Variants in RNF6 observed in about 807,000 individuals in gnomAD.
RNF6 encodes ring finger protein 6.
In RNF6, 21 loss-of-function variants were observed where a neutral mutation model predicts 50.1. The observed-to-expected ratio is 0.42, with a 90% CI of 0.30 to 0.60. The LOEUF (loss-of-function observed/expected upper bound fraction) is 0.60, where lower values mean the gene tolerates loss of function less well. RNF6 is among the 20% of genes least tolerant of loss of function. The probability of loss-of-function intolerance (pLI) is 0.20; values close to 1 mark genes in which losing one functional copy is unlikely to be tolerated. For synonymous variants in RNF6, 255 were observed against 291.8 expected, an observed-to-expected ratio of 0.87 and a Z score of 1.29; for missense variants, 698 against 838.2, an observed-to-expected ratio of 0.83 and a Z score of 2.07.
At chr13:26,143,635 C>A (rs951433220) in intron 5 of RNF6, among the ~76,000 whole-genome samples, 3 of 152,114 alleles carry the variant, frequency 2.0e-5, no homozygotes, top group Admixed American at 2.0e-4. Context: ...GAAACAGCAC[C>A]ATATATTGGA....
At chr13:26,221,007 T>G (rs1870430590) in intron 2 of RNF6, among the ~76,000 whole-genome samples, 1 of 152,198 alleles carries the variant, frequency 6.6e-6, no homozygotes. Flanking sequence ...CCTAGTAACA[T>G]TATCCACTCA....
chr13:26,137,161 A>G (rs1870687335), intron 5 of RNF6, among the ~76,000 whole-genome samples: 1 of 152,130 alleles, frequency 6.6e-6, no homozygotes. Context: ...ATTTAACCTC[A>G]CTAAAGCTTA....
intron 5 of RNF6, chr13:26,150,930 T>C (rs1469258122): frequency 6.6e-6 from 1 of 152,206 alleles, no homozygotes; most frequent in African/African-American, 2.4e-5. Flanking sequence ...AGAGTTACAC[T>C]ATTAATTTTA....
intron 5 of RNF6, among the ~76,000 whole-genome samples, chr13:26,169,658 T>C (rs1404039967): frequency 1.3e-5 from 2 of 152,220 alleles, no homozygotes; most frequent in Non-Finnish European, 2.9e-5. Context: ...GGGCATCTCT[T>C]ATAAACGTAA....
intron 5 of RNF6, among the ~76,000 whole-genome samples, chr13:26,172,232 T>G (rs1207869196): frequency 6.6e-6 from 1 of 151,802 alleles, no homozygotes; most frequent in Admixed American, 6.6e-5. Context: ...GGGAAAAGAA[T>G]GGACCATTCC....
intron 5 of RNF6, among the ~76,000 whole-genome samples, chr13:26,158,212 A>G (rs1359516430): frequency 2.0e-5 from 3 of 152,146 alleles, no homozygotes; most frequent in African/African-American, 4.8e-5. Flanking sequence ...ATGATGACAC[A>G]GTTTCGATGG....
intron 5 of RNF6, among the ~76,000 whole-genome samples, chr13:26,170,129 T>A (rs1465443734): frequency 6.6e-6 from 1 of 151,904 alleles, no homozygotes; most frequent in Admixed American, 6.6e-5. Context: ...TATACCAGAG[T>A]CCATTAAGTA....
intron 5 of RNF6, among the ~76,000 whole-genome samples, chr13:26,139,855 CAG>C (rs1870844535): frequency 1.3e-5 from 2 of 151,848 alleles, no homozygotes; most frequent in African/African-American, 4.8e-5. Flanking sequence ...TTCATTTTTT[CAG>C]AGACTGGGTC....
At chr13:26,138,909 G>A (rs1256100199) in intron 5 of RNF6, among the ~76,000 whole-genome samples, 1 of 152,156 alleles carries the variant, frequency 6.6e-6, no homozygotes, top group Non-Finnish European at 1.5e-5. Context: ...AAATTAAATA[G>A]TATCACTTCA....
rs562114514 is a variant in RNF6 at position 26,180,453 on chromosome 13, G to T, written n.768+35021C>A. Among the ~76,000 whole-genome samples, 4 of 152,154 alleles carry T rather than the reference G, an allele frequency of 2.6e-5. No individual in the cohort carries two copies. In the South Asian group the frequency reaches 8.3e-4, roughly 32 times the overall value. On this transcript the variant is annotated intron_variant and non_coding_transcript_variant, in intron 5 of 5. Coordinates refer to the RNF6 transcript ENST00000468480. ...AGGGTGACAGGTACTCTGCAGCCCA[G>T]GAGACCCCTCAAAGGAACATATAAC...
intron 5 of RNF6, among the ~76,000 whole-genome samples, chr13:26,139,759 C>A (rs2137551927): frequency 6.6e-6 from 1 of 152,290 alleles, no homozygotes; most frequent in South Asian, 2.1e-4. Flanking sequence ...GAAGGACTTG[C>A]AAATATTTCC....
intron 5 of RNF6, among the ~76,000 whole-genome samples, chr13:26,188,937 T>C (rs578015147): frequency 6.6e-6 from 1 of 152,050 alleles, no homozygotes; most frequent in African/African-American, 2.4e-5. Context: ...TCAGAACAGA[T>C]TTCTGAAGAG....
chr13:26,211,749 C>G (rs371762092), downstream of RNF6, among the ~76,000 whole-genome samples: 2 of 152,088 alleles, frequency 1.3e-5, no homozygotes, highest in African/African-American at 4.8e-5. Context: ...CAGAGTGAGA[C>G]TCTGTCTCAA....
chr13:26,206,057 G>A (rs1476669143), intron 5 of RNF6, among the ~76,000 whole-genome samples: 1 of 152,160 alleles, frequency 6.6e-6, no homozygotes, highest in African/African-American at 2.4e-5. Flanking sequence ...TGAGCTTAAT[G>A]CAGCATTAAA....
chr13:26,218,655 T>G, intron 3 of RNF6, 49 bp from the exon 4 acceptor site: 1 of 1,408,588 alleles, frequency 7.1e-7, no homozygotes, highest in South Asian at 1.1e-5. Context: ...TTAAGTTTTA[T>G]GAGACCTCAT....
intron 2 of RNF6, among the ~76,000 whole-genome samples, chr13:26,220,807 T>G (rs1199599201): frequency 6.6e-6 from 1 of 152,210 alleles, no homozygotes; most frequent in African/African-American, 2.4e-5. Flanking sequence ...GAAGCAACTG[T>G]GCAACTCTGC....
At chr13:26,219,254 C>T in intron 3 of RNF6, 1 of 489,366 alleles carries the variant, frequency 2.0e-6, no homozygotes, top group Non-Finnish European at 3.6e-6. Context: ...AATAGTGCTC[C>T]ATGTCCCCTA....
chr13:26,178,754 C>G (rs1281579424), intron 5 of RNF6, among the ~76,000 whole-genome samples: 1 of 151,844 alleles, frequency 6.6e-6, no homozygotes, highest in African/African-American at 2.4e-5. Flanking sequence ...TTTGCATAAC[C>G]AAAACTTGGA....
chr13:26,172,802 C>G (rs1237639498), intron 5 of RNF6, among the ~76,000 whole-genome samples: 1 of 152,128 alleles, frequency 6.6e-6, no homozygotes, highest in Non-Finnish European at 1.5e-5. Flanking sequence ...CTCGGCCTCC[C>G]AAAGTGCTGG....
Sources: gnomAD v4.1 joint callset for allele counts (sites outside exome capture counted in the v4.1 genomes callset) on GRCh38, gnomAD v4.1.1 for gene constraint, MANE v1.5 for transcripts, NCBI Gene and HGNC (gene_info 2026-07-23, HGNC 2026-07-21) for gene names.